The following BNC2 variants were observed in gnomAD, a reference collection of about 807,000 sequenced individuals.
The protein encoded by BNC2 is zinc finger protein basonuclin-2.
A neutral mutation model predicts 76.3 loss-of-function variants in BNC2; 20 were observed. That is an observed-to-expected ratio of 0.26 (90% CI 0.18 to 0.38). BNC2 has a LOEUF of 0.38. Ranked by LOEUF, BNC2 falls within the 10% of genes least tolerant of loss-of-function variation. The pLI is 1.00. For missense variants in BNC2, 1,382 were observed against 1,399.8 expected (o/e 0.99, Z 0.20); for synonymous variants, 582 against 514.8 (o/e 1.13, Z -1.77).
chr9:16,766,956 G>C (rs1825711925), intron 1 of BNC2, among the ~76,000 whole-genome samples: 1 of 152,228 alleles, frequency 6.6e-6, no homozygotes, highest in Non-Finnish European at 1.5e-5. Context: ...CTTAACAAGT[G>C]TAAATACAGA....
At chr9:16,668,095 C>T (rs1197573159) in intron 3 of BNC2, among the ~76,000 whole-genome samples, 2 of 152,184 alleles carry the variant, frequency 1.3e-5, no homozygotes, top group African/African-American at 4.8e-5. Context: ...TCGGGAAGAT[C>T]ACATTTAGCG....
intron 1 of BNC2, among the ~76,000 whole-genome samples, chr9:16,795,799 A>G (rs1042248144): frequency 6.6e-6 from 1 of 152,246 alleles, no homozygotes; most frequent in African/African-American, 2.4e-5. Context: ...TAAAAATGAC[A>G]GTATGAAACT....
chr9:16,505,683 C>T (rs924796036), intron 5 of BNC2, among the ~76,000 whole-genome samples: 10 of 152,000 alleles, frequency 6.6e-5, no homozygotes, highest in Non-Finnish European at 1.3e-4. Flanking sequence ...ATTCTGAGTC[C>T]TTATCAGTAA....
chr9:16,443,219 T>A (rs1241193650), intron 5 of BNC2, among the ~76,000 whole-genome samples: 1 of 152,146 alleles, frequency 6.6e-6, no homozygotes, highest in African/African-American at 2.4e-5. Flanking sequence ...GATATAACTG[T>A]AGAGCTTTTA....
chr9:16,512,905 G>GC (rs1291091431), intron 5 of BNC2, among the ~76,000 whole-genome samples: 2 of 152,008 alleles, frequency 1.3e-5, no homozygotes, highest in East Asian at 3.9e-4. Context: ...GGAGGCTGAG[G>GC]GGGGAAGATC....
At chr9:16,524,811 T>G (rs150184340) in intron 5 of BNC2, among the ~76,000 whole-genome samples, 4 of 152,318 alleles carry the variant, frequency 2.6e-5, no homozygotes, top group African/African-American at 9.6e-5. Context: ...CAGTGGCTCA[T>G]GCCAGCAATC....
At chr9:16,745,213 C>G (rs1824966839) in intron 1 of BNC2, among the ~76,000 whole-genome samples, 1 of 152,164 alleles carries the variant, frequency 6.6e-6, no homozygotes, top group Non-Finnish European at 1.5e-5. Flanking sequence ...GTATCAGTTG[C>G]TGCGTAGGTA....
chr9:16,507,297 G>A (rs1265348223), intron 5 of BNC2, among the ~76,000 whole-genome samples: 4 of 119,716 alleles, frequency 3.3e-5, no homozygotes, highest in South Asian at 2.6e-4. Flanking sequence ...TCGTTCTGTC[G>A]CCCATACCGG....
chr9:16,507,362 C>T (rs1390754658), intron 5 of BNC2, among the ~76,000 whole-genome samples: 1 of 141,904 alleles, frequency 7.0e-6, no homozygotes, highest in Non-Finnish European at 1.5e-5. Context: ...TGGGTTCAAA[C>T]GATTCTCCTG....
At chr9:16,827,183 T>G (rs1004246943) in intron 1 of BNC2, among the ~76,000 whole-genome samples, 1 of 152,214 alleles carries the variant, frequency 6.6e-6, no homozygotes, top group Non-Finnish European at 1.5e-5. Context: ...CATTCTAACT[T>G]GTGCTCAGTC....
chr9:16,860,207 A>T (rs184723458), intron 1 of BNC2, among the ~76,000 whole-genome samples: 194 of 152,340 alleles, frequency 1.3e-3, no homozygotes, highest in African/African-American at 4.5e-3. Flanking sequence ...ACTTCTAAGG[A>T]ACTAAGAATG....
chr9:16,498,858 G>A (rs76618253), intron 5 of BNC2, among the ~76,000 whole-genome samples: 7 of 151,986 alleles, frequency 4.6e-5, no homozygotes, highest in East Asian at 1.9e-4. Flanking sequence ...TCAGTGGCCC[G>A]CAGAGGAGGT....
intron 5 of BNC2, among the ~76,000 whole-genome samples, chr9:16,440,238 A>G (rs1296203915): frequency 6.6e-6 from 1 of 152,150 alleles, no homozygotes; most frequent in African/African-American, 2.4e-5. Flanking sequence ...TTGAACACAA[A>G]AATTCTGACT....
intron 3 of BNC2, among the ~76,000 whole-genome samples, chr9:16,668,507 A>T (rs1293467050): frequency 6.6e-6 from 1 of 152,240 alleles, no homozygotes; most frequent in East Asian, 1.9e-4. Context: ...AAACATACTT[A>T]ACAACGTCAG....
chr9:16,659,376 G>A (rs900525107), intron 3 of BNC2, among the ~76,000 whole-genome samples: 100 of 152,134 alleles, frequency 6.6e-4, no homozygotes, highest in South Asian at 2.1e-3. Context: ...TTGGGGGGCC[G>A]AGGTGGGCAG....
At chr9:16,758,859 T>C (rs970892415) in intron 1 of BNC2, among the ~76,000 whole-genome samples, 1 of 152,232 alleles carries the variant, frequency 6.6e-6, no homozygotes, top group Non-Finnish European at 1.5e-5. Context: ...CAAAAATCTT[T>C]GAAGAATCAA....
intron 5 of BNC2, among the ~76,000 whole-genome samples, chr9:16,508,905 C>T (rs1015353589): frequency 4.0e-5 from 6 of 151,556 alleles, no homozygotes; most frequent in African/African-American, 1.5e-4. Context: ...ATTGTAACCT[C>T]GAACTTCTGA....
intron 1 of BNC2, among the ~76,000 whole-genome samples, chr9:16,771,632 TATA>T (rs1183543895): frequency 2.0e-5 from 3 of 152,212 alleles, no homozygotes; most frequent in African/African-American, 4.8e-5. Flanking sequence ...ATACATGAAC[TATA>T]ATGACAAGAC....
intron 5 of BNC2, among the ~76,000 whole-genome samples, chr9:16,512,473 G>A (rs1271597776): frequency 6.8e-6 from 1 of 146,756 alleles, no homozygotes; most frequent in Non-Finnish European, 1.5e-5. Flanking sequence ...ACCAATAAAG[G>A]TAACACACGC....
Sources: gnomAD v4.1 joint callset for allele counts (sites outside exome capture counted in the v4.1 genomes callset) on GRCh38, gnomAD v4.1.1 for gene constraint, MANE v1.5 for transcripts, NCBI Gene and HGNC (gene_info 2026-07-23, HGNC 2026-07-21) for gene names.